FER1L5: variants seen among roughly 807,000 people sequenced by gnomAD.
The protein encoded by FER1L5 is fer-1-like protein 5.
In FER1L5, 187 loss-of-function variants were observed where a neutral mutation model predicts 279.9. The observed-to-expected ratio is 0.67, with a 90% CI of 0.59 to 0.75. The LOEUF (loss-of-function observed/expected upper bound fraction) is 0.75, where lower values mean the gene tolerates loss of function less well. Ranked by LOEUF, FER1L5 falls within the 30% of genes least tolerant of loss-of-function variation. The probability of loss-of-function intolerance (pLI) is 0.00; values close to 1 mark genes in which losing one functional copy is unlikely to be tolerated. For missense variants in FER1L5, 2,091 were observed against 2,594.4 expected, an observed-to-expected ratio of 0.81 and a Z score of 4.21; for synonymous variants, 921 against 989.7, an observed-to-expected ratio of 0.93 and a Z score of 1.30.
rs2076977044 is a variant in FER1L5 at position 96,687,576 on chromosome 2, A to G, written c.2230-240A>G. ...CAGTCCCATTGTCAACATCCCTGCT[A>G]CTCCCTCTGTGAGGCACTCCCACCC... On this transcript the variant is annotated intron_variant, in intron 23 of 52. Coordinates refer to ENST00000624922, the MANE Select transcript of FER1L5 (RefSeq NM_001293083.2). 5.5e-6 allele frequency: 3 copies of G among 547,432 alleles called. No homozygotes were observed. In the African/African-American group the frequency reaches 5.7e-5, roughly 10 times the overall value. The allele number at this position is 547,432 out of a possible 1,614,324, so 33.9% of individuals were successfully genotyped here.
At chr2:96,659,408 T>TTCCTTCCTTC (rs2075811659) in intron 9 of FER1L5, among the ~76,000 whole-genome samples, 1 of 5,476 alleles carries the variant, frequency 1.8e-4, no homozygotes, top group Non-Finnish European at 2.9e-4. Context: ...TTTCTTTCTT[T>TTCCTTCCTTC]CTTTCTTTCT....
At position 96,689,532 on chromosome 2, in the gene FER1L5, C is replaced by A; in HGVS notation, c.2526-112C>A. Reference sequence around the variant, plus strand: ...GGCCCTGCCCACCACCCTGTCCTGCCCAGAGCAGGTGGGGATGGGATGCCA... The same window carrying A: ...GGCCCTGCCCACCACCCTGTCCTGCACAGAGCAGGTGGGGATGGGATGCCA... On this transcript the variant is annotated intron_variant, in intron 25 of 52. Coordinates refer to ENST00000624922, the MANE Select transcript of FER1L5 (RefSeq NM_001293083.2). This position sits in a 1 kb window ranked among gnomAD's most constrained non-coding sequence, Gnocchi z 4.6. 2.1e-6 allele frequency: 3 copies of A among 1,428,878 alleles called. No homozygotes were observed. Among genetic ancestry groups the A allele is most frequent in the Non-Finnish European group, 2.9e-6 (3 of 1,039,102 alleles). 88.5% of individuals were successfully genotyped at this position (1,428,878 alleles called of 1,614,324 possible). A position where few individuals can be genotyped will look rare whatever the true frequency, so the allele number is the denominator to read the frequency against.
intron 19 of FER1L5, among the ~76,000 whole-genome samples, chr2:96,679,293 G>A (rs1434223632): frequency 2.0e-5 from 3 of 151,210 alleles, no homozygotes; most frequent in Non-Finnish European, 4.4e-5. Flanking sequence ...GCACAATCTC[G>A]GCTCACTGCA....
chr2:96,690,212 G>A (rs1198791001), intron 26 of FER1L5, among the ~76,000 whole-genome samples: 1 of 152,196 alleles, frequency 6.6e-6, no homozygotes, highest in Non-Finnish European at 1.5e-5. Flanking sequence ...GCGGCTGGTG[G>A]CTACTGTATT....
At chr2:96,659,448 T>TCTTC (rs2075832923) in intron 9 of FER1L5, among the ~76,000 whole-genome samples, 1 of 33,092 alleles carries the variant, frequency 3.0e-5, no homozygotes, top group East Asian at 7.3e-4. Context: ...TTTCTTTCTT[T>TCTTC]CTTTCTTTCT....
rs2077622203 is a variant in FER1L5 at position 96,702,502 on chromosome 2, C to T, written c.5256-98C>T. Reference sequence around the variant, plus strand: ...CTGAATGGGACACCTCTCCATCCAGCTCTGCCTGGCGTCGGCTGGGCAGCC... The same window carrying T: ...CTGAATGGGACACCTCTCCATCCAGTTCTGCCTGGCGTCGGCTGGGCAGCC... On this transcript the variant is annotated intron_variant, in intron 47 of 52. Transcript: ENST00000624922. The surrounding 1 kb of genome is among the most constrained non-coding windows in gnomAD (Gnocchi z 4.0). 6.5e-7 allele frequency: 1 copy of T among 1,548,944 alleles called. No homozygotes were observed. Among genetic ancestry groups the T allele is most frequent in the Non-Finnish European group, 8.7e-7 (1 of 1,145,734 alleles).
In FER1L5 at chr2:96,659,290, T is replaced by TGCCTGCC. The variant is rs2075732527; in HGVS notation, c.748-1051_748-1050insGCCTGCC. On this transcript the variant is annotated intron_variant, in intron 9 of 52. Coordinates refer to ENST00000624922, the MANE Select transcript of FER1L5 (RefSeq NM_001293083.2). ...TTTGATGAAGTCCAATTTATCAAGC[T>TGCCTGCC]TTCCTTCCTTCCTTCCTTCCTTCCT... Among the ~76,000 whole-genome samples, 45 of 81,030 alleles carry TGCCTGCC rather than the reference T, an allele frequency of 5.6e-4. 1 individual carries two copies. Among genetic ancestry groups the TGCCTGCC allele is most frequent in the African/African-American group, 1.8e-3 (37 of 20,368 alleles). The allele number at this position is 81,030 out of a possible 152,430, so 53.2% of individuals were successfully genotyped here.
Position 96,690,533 on chromosome 2 carries a change from GCTGGCACTTTAAGAAGGA to G in FER1L5, c.2692_2709del (p.His898_Trp903del). ...CGGGAGAACGTGAAGTGCCCCCAAG[GCTGGCACTTTAAGAAGGA>G]CTGGGTGGTGGAGCTGAACCACGCA... On this transcript the variant is annotated inframe_deletion, in exon 27 of 53. Transcript: ENST00000624922. The G allele has an allele frequency of 1.9e-6, 3 of 1,551,692 alleles. No individual in the cohort carries two copies. The highest frequency in any genetic ancestry group is 2.6e-6 in the Non-Finnish European group (3 of 1,146,990).
At chr2:96,655,702 T>A (rs887367690) in intron 9 of FER1L5, among the ~76,000 whole-genome samples, 1 of 152,128 alleles carries the variant, frequency 6.6e-6, no homozygotes, top group South Asian at 2.1e-4. Flanking sequence ...AAAACCTGAG[T>A]TTAACCAAGC....
chr2:96,699,852 ACCCG>A, intron 43 of FER1L5, 76 bp from the exon 44 acceptor site: 2 of 1,582,780 alleles, frequency 1.3e-6, no homozygotes, highest in Non-Finnish European at 1.7e-6. Flanking sequence ...CCAAGCTTCC[ACCCG>A]TGGTCAACCT....
chr2:96,642,947 GGA>G, intron 1 of FER1L5, 26 bp downstream of exon 1: 1 of 1,538,966 alleles, frequency 6.5e-7, no homozygotes, highest in East Asian at 2.5e-5. Context: ...GGTCCACATG[GGA>G]GAGAGAAGCC....
At chr2:96,649,056 G>A (rs1277269327) in intron 4 of FER1L5, among the ~76,000 whole-genome samples, 1 of 151,352 alleles carries the variant, frequency 6.6e-6, no homozygotes, top group African/African-American at 2.4e-5. Flanking sequence ...TGGGGTGGAG[G>A]TGGGAGAGCT....
At chr2:96,653,408 T>C (rs761203466) in intron 7 of FER1L5, 2 of 532,566 alleles carry the variant, frequency 3.8e-6, no homozygotes, top group African/African-American at 1.9e-5. Context: ...CCCAGAATGC[T>C]CCAGTGAGCA....
chr2:96,658,462 G>A (rs969994933), intron 9 of FER1L5, among the ~76,000 whole-genome samples: 1 of 151,278 alleles, frequency 6.6e-6, no homozygotes, highest in Non-Finnish European at 1.5e-5. Flanking sequence ...GATTACAGGT[G>A]CACGCCACCA....
At chr2:96,692,025 GGGGGGACAGGGT>G in intron 30 of FER1L5, 62 bp downstream of exon 30, 1 of 1,270,572 alleles carries the variant, frequency 7.9e-7, no homozygotes, top group Non-Finnish European at 1.1e-6. Context: ...AGGGCGGGGG[GGGGGGACAGGGT>G]GGGGGCAGTC....
At position 96,691,854 on chromosome 2, in the gene FER1L5, G is replaced by A; in HGVS notation, c.3105G>A (p.Lys1035=). 3 of 1,551,634 alleles carry A rather than the reference G, an allele frequency of 1.9e-6. No individual in the cohort carries two copies. Among genetic ancestry groups the A allele is most frequent in the African/African-American group, 1.4e-5 (1 of 73,164 alleles). Residue 1035 remains lysine (K), a synonymous_variant, in exon 30 of 53, where the codon AAG becomes AAA. Transcript: ENST00000624922. This position sits in a 1 kb window ranked among gnomAD's most constrained non-coding sequence, Gnocchi z 6.0. The stretch of plus-strand genomic sequence containing the variant: ...TGGATCTGAAATACCACGCTGGGAA[G>A]GAAGAGGACAGCAAGACATGGCCAT... ...LAMDLKYHAG[K]EEDSKTWPWG... is the part of the protein sequence containing the mutation.
rs2077266826 is a variant in FER1L5 at position 96,694,126 on chromosome 2, T to C, written c.3636+54T>C. 2.7e-5 allele frequency: 41 copies of C among 1,495,694 alleles called. No individual in the cohort carries two copies. Among genetic ancestry groups the C allele is most frequent in the Non-Finnish European group, 3.6e-5 (40 of 1,125,030 alleles). 92.7% of individuals were successfully genotyped at this position (1,495,694 alleles called of 1,614,324 possible). On this transcript the variant is annotated intron_variant, in intron 33 of 52. Coordinates refer to ENST00000624922, the MANE Select transcript of FER1L5 (RefSeq NM_001293083.2). This position sits in a 1 kb window ranked among gnomAD's most constrained non-coding sequence, Gnocchi z 4.6. ...GTGTGGCACTCAGTGCCCCTCCCCG[T>C]CCCACCCCCAGCCAGCGGGGGCCAA...
chr2:96,663,444 GAC>G lies in FER1L5; in HGVS notation c.1083_1084del (p.Met362AlafsTer41), dbSNP rs1381140602. On this transcript the variant is annotated frameshift_variant, in exon 14 of 53. Transcript: ENST00000624922. LOFTEE classifies it high-confidence loss of function. The part of the protein sequence containing the change: ...EVELIGEKLR[T>X]HMQTQTDNPI... ...ACTGCTTTGGGACATTCCAGCTCAG[GAC>G]ACACATGCAGACCCAAACCGACAAC... is the stretch of plus-strand genomic sequence containing the variant. 6.4e-7 allele frequency: 1 copy of G among 1,551,620 alleles called. No individual in the cohort carries two copies. Among genetic ancestry groups the G allele is most frequent in the Non-Finnish European group, 8.7e-7 (1 of 1,146,944 alleles).
rs772032208 is a variant in FER1L5 at position 96,689,180 on chromosome 2, A to C, written c.2362-33A>C. Reference sequence around the variant, plus strand: ...ATGTCCCCGCACTTTGTGCTAGAGGAGGCGGCCGCCCTGACAAGCTTCCCT... The same window carrying C: ...ATGTCCCCGCACTTTGTGCTAGAGGCGGCGGCCGCCCTGACAAGCTTCCCT... On this transcript the variant is annotated intron_variant, in intron 24 of 52. Coordinates refer to ENST00000624922, the MANE Select transcript of FER1L5 (RefSeq NM_001293083.2). The surrounding 1 kb of genome is among the most constrained non-coding windows in gnomAD (Gnocchi z 4.6). 7.1e-6 allele frequency: 11 copies of C among 1,543,976 alleles called. No homozygotes were observed. In the South Asian group the frequency reaches 1.1e-4, roughly 15 times the overall value.
Sources: gnomAD v4.1 joint callset for allele counts (sites outside exome capture counted in the v4.1 genomes callset) on GRCh38, gnomAD v4.1.1 for gene constraint, Gnocchi (gnomAD v3.1) non-coding constraint, MANE v1.5 for transcripts, NCBI Gene and HGNC (gene_info 2026-07-23, HGNC 2026-07-21) for gene names.